Variants in DNAH1 observed in about 807,000 individuals in gnomAD.
The protein encoded by DNAH1 is axonemal beta dynein heavy chain 1.
Under a neutral mutation model 484.3 loss-of-function variants are expected in DNAH1, and 327 were observed. The ratio of observed to expected loss-of-function variants is 0.68; its 90% CI spans 0.62 to 0.74. The LOEUF (loss-of-function observed/expected upper bound fraction) is 0.74. Ranked by LOEUF, DNAH1 falls within the 30% of genes least tolerant of loss-of-function variation. DNAH1 has a pLI of 0.00. For synonymous variants in DNAH1, 2,192 were observed against 2,191.9 expected, an observed-to-expected ratio of 1.00 and a Z score of 0.00; for missense variants, 5,052 against 5,546.8, an observed-to-expected ratio of 0.91 and a Z score of 2.83.
intron 22 of DNAH1, 70 bp downstream of exon 22, chr3:52,356,848 C>T: frequency 1.3e-6 from 2 of 1,513,158 alleles, no homozygotes; most frequent in South Asian, 1.2e-5. Context: ...TGGTAGCCTC[C>T]TAGTCTCTTC....
rs1702729690 is a variant in DNAH1, at chr3:52,358,813, C to G, written c.4266+76C>G. The G allele has an allele frequency of 9.0e-6, 14 of 1,555,868 alleles. No homozygotes were observed. Among genetic ancestry groups the G allele is most frequent in the African/African-American group, 1.4e-5 (1 of 72,488 alleles). On this transcript the variant is annotated intron_variant, in intron 25 of 77. Coordinates refer to ENST00000420323, the MANE Select transcript of DNAH1 (RefSeq NM_015512.5). This position sits in a 1 kb window ranked among gnomAD's most constrained non-coding sequence, Gnocchi z 4.2. ...CCTCTCAGTGCCCCTCCTGCTCTAGCCGGCCTCGTCCTCAGGCTGCAGCCC... is the reference window on the plus strand; with the variant it reads ...CCTCTCAGTGCCCCTCCTGCTCTAGGCGGCCTCGTCCTCAGGCTGCAGCCC...
Position 52,362,308 on chromosome 3 carries a change from A to G in DNAH1, c.4981-80A>G. The G allele has an allele frequency of 8.3e-7, 1 of 1,202,662 alleles. No homozygotes were observed. Among genetic ancestry groups the G allele is most frequent in the Non-Finnish European group, 1.2e-6 (1 of 829,612 alleles). 74.5% of individuals were successfully genotyped at this position (1,202,662 alleles called of 1,614,324 possible). A position where few individuals can be genotyped will look rare whatever the true frequency, so the allele number is the denominator to read the frequency against. On this transcript the variant is annotated intron_variant, in intron 30 of 77. Coordinates refer to ENST00000420323, the MANE Select transcript of DNAH1 (RefSeq NM_015512.5). The surrounding 1 kb of genome is among the most constrained non-coding windows in gnomAD (Gnocchi z 5.1). Reference sequence around the variant, plus strand: ...CTACAGCCAGGACAGGGGCATCAACAGGGGACAAGGGGCCCACTCAGAGGA... The same window carrying G: ...CTACAGCCAGGACAGGGGCATCAACGGGGGACAAGGGGCCCACTCAGAGGA...
Position 52,381,596 on chromosome 3 carries a change from A to G in DNAH1, c.7609-44A>G. Reference sequence around the variant, plus strand: ...GTGGGGGGAATCGGGGAGACCCTACAGTAAGAGAGACCCCGCCTTCCCCAT... The same window carrying G: ...GTGGGGGGAATCGGGGAGACCCTACGGTAAGAGAGACCCCGCCTTCCCCAT... On this transcript the variant is annotated intron_variant, in intron 48 of 77. Coordinates refer to ENST00000420323, the MANE Select transcript of DNAH1 (RefSeq NM_015512.5). The surrounding 1 kb of genome is among the most constrained non-coding windows in gnomAD (Gnocchi z 4.1). 1 of 1,536,474 alleles carries G rather than the reference A, an allele frequency of 6.5e-7. No individual in the cohort carries two copies. The highest frequency in any genetic ancestry group is 1.2e-5 in the South Asian group (1 of 81,618).
chr3:52,346,593 T>C lies in DNAH1; in HGVS notation c.1778T>C (p.Met593Thr). 2 of 1,614,046 alleles carry C rather than the reference T, an allele frequency of 1.2e-6. No homozygotes were observed. Among genetic ancestry groups the C allele is most frequent in the South Asian group, 1.1e-5 (1 of 91,086 alleles). Residue 593 changes from methionine (M) to threonine (T), a missense_variant, in exon 11 of 78, where the codon ATG becomes ACG. Transcript: ENST00000420323. ...GAGACCAACTGGGAGGTGTACCTCA[T>C]GTCCAAGCTGCGCAAGCTGATGGAG... Reference protein sequence around the residue: ...LYETNWEVYLMSKLRKLMELV... With the variant: ...LYETNWEVYLTSKLRKLMELV...
At position 52,357,769 on chromosome 3, in the gene DNAH1, T is replaced by C. The variant is rs369748592; in HGVS notation, c.3980+34T>C. 3.2e-6 allele frequency: 5 copies of C among 1,572,996 alleles called. No homozygotes were observed. The Admixed American group carries it at 5.6e-5, about 18-fold the overall frequency. ...CACCTGGCCATGCCCACTCCGCCAC[T>C]GTCTGCCCACAAGGCTGAGGTGTCC... On this transcript the variant is annotated intron_variant, in intron 23 of 77. Transcript: ENST00000420323.
Position 52,396,362 on chromosome 3 carries a change from C to T in DNAH1, c.11260-6C>T, listed in dbSNP as rs1173302533. 6.4e-7 allele frequency: 1 copy of T among 1,568,684 alleles called. No homozygotes were observed. The highest frequency in any genetic ancestry group is 1.2e-5 in the South Asian group (1 of 85,114). On this transcript the variant is annotated splice_polypyrimidine_tract_variant and splice_region_variant and intron_variant, in intron 70 of 77. Coordinates refer to ENST00000420323, the MANE Select transcript of DNAH1 (RefSeq NM_015512.5). ...CTCAATGCTCACGTGGAGCCATGGC[C>T]ACCAGGTACACAGGGACTTCCGCCT...
At position 52,353,913 on chromosome 3, in the gene DNAH1, C is replaced by T. The variant is rs1264908723; in HGVS notation, c.3480+280C>T. ...CCTCAATTTAACAGATGTGTCAGGC[C>T]GGGTGCAGTGACACATGCCTGTAAA... On this transcript the variant is annotated intron_variant, in intron 20 of 77. Transcript: ENST00000420323. The surrounding 1 kb of genome is among the most constrained non-coding windows in gnomAD (Gnocchi z 5.0). 2.6e-5 allele frequency: 11 copies of T among 425,154 alleles called. No individual in the cohort carries two copies. The highest frequency in any genetic ancestry group is 1.0e-4 in the East Asian group (2 of 19,950). The allele number at this position is 425,154 out of a possible 1,614,324, so 26.3% of individuals were successfully genotyped here. A position where few individuals can be genotyped will look rare whatever the true frequency, so the allele number is the denominator to read the frequency against.
chr3:52,330,575 G>C (rs973891920), intron 6 of DNAH1, among the ~76,000 whole-genome samples: 1 of 152,268 alleles, frequency 6.6e-6, no homozygotes, highest in African/African-American at 2.4e-5. Context: ...AAATGAGTGA[G>C]GGGCAGCGGT....
intron 52 of DNAH1, 120 bp downstream of exon 52, chr3:52,384,151 C>T: frequency 8.9e-7 from 1 of 1,117,978 alleles, no homozygotes; most frequent in African/African-American, 1.6e-5. Context: ...AGCTTTTGGT[C>T]AGGCTGTGTT....
In DNAH1 at chr3:52,386,127, G is replaced by T. The variant is rs755874702; in HGVS notation, c.8626-33G>T. 3.8e-5 allele frequency: 60 copies of T among 1,591,166 alleles called. 1 individual carries two copies. The highest frequency in any genetic ancestry group is 1.9e-4 in the South Asian group (17 of 88,012). ...GACTAAGATGCAGAGAAGAGAAAAG[G>T]GGGGAGGACATCCCTATGTCTCCCA... is the stretch of plus-strand genomic sequence containing the variant. On this transcript the variant is annotated intron_variant, in intron 54 of 77. Coordinates refer to ENST00000420323, the MANE Select transcript of DNAH1 (RefSeq NM_015512.5).
In DNAH1 at chr3:52,395,668, A is replaced by G. The variant is rs114272520; in HGVS notation, c.11249A>G (p.Asn3750Ser). Reference protein sequence around the residue: ...PALERLIEHINPDKVHRDFRL... With the variant: ...PALERLIEHISPDKVHRDFRL... ...CTAGAACGCCTCATCGAGCACATCA[A>G]CCCCGACAAGGTGTGTTGCCCTGCC... Residue 3750 changes from asparagine to serine, a missense_variant, in exon 70 of 78, where the codon AAC becomes AGC. Physicochemically the swap from Asn to Ser is conservative, Grantham distance 46. This residue lies in a region of DNAH1 where 853 missense variants were observed against 899.0 expected (regional missense o/e 0.95). Coordinates refer to ENST00000420323, the MANE Select transcript of DNAH1 (RefSeq NM_015512.5). This position sits in a 1 kb window ranked among gnomAD's most constrained non-coding sequence, Gnocchi z 4.4. The G allele has an allele frequency of 7.2e-5, 116 of 1,613,266 alleles. No homozygotes were observed. In the African/African-American group the frequency reaches 1.1e-3, roughly 15 times the overall value.
At chr3:52,359,876 G>A (rs558053599) in intron 26 of DNAH1, 40 bp from the exon 27 acceptor site, 17 of 1,609,172 alleles carry the variant, frequency 1.1e-5, no homozygotes, top group East Asian at 2.2e-5. Context: ...GAGCCTCCTC[G>A]TGGTACCCTG....
chr3:52,361,170 C>A lies in DNAH1; in HGVS notation c.4692C>A (p.Tyr1564Ter). Residue 1564 changes from tyrosine (Y) to a stop codon, truncating the protein, a stop_gained, in exon 29 of 78, where the codon TAC becomes TAA. Coordinates refer to ENST00000420323, the MANE Select transcript of DNAH1 (RefSeq NM_015512.5). LOFTEE classifies it high-confidence loss of function. The surrounding 1 kb of genome is among the most constrained non-coding windows in gnomAD (Gnocchi z 5.6). ...LVITPLTDRC[Y>*]LTLTGALHLK... ...CCTCCTCTGTCTCCTGCAGGTGCTACCTGACACTGACCGGAGCTCTGCACC... is the reference window on the plus strand; with the variant it reads ...CCTCCTCTGTCTCCTGCAGGTGCTAACTGACACTGACCGGAGCTCTGCACC... 1 of 1,606,276 alleles carries A rather than the reference C, an allele frequency of 6.2e-7. No homozygotes were observed. Among genetic ancestry groups the A allele is most frequent in the South Asian group, 1.1e-5 (1 of 89,504 alleles).
intron 75 of DNAH1, 147 bp from the exon 76 acceptor site, chr3:52,398,703 T>C: frequency 1.5e-6 from 1 of 649,220 alleles, no homozygotes; most frequent in South Asian, 2.5e-5. Flanking sequence ...AGAGCTGGGA[T>C]TTGTACCCAG....
Position 52,400,462 on chromosome 3 carries a change from C to G in DNAH1, c.*16C>G. 2 of 1,613,934 alleles carry G rather than the reference C, an allele frequency of 1.2e-6. No individual in the cohort carries two copies. Among genetic ancestry groups the G allele is most frequent in the Non-Finnish European group, 1.7e-6 (2 of 1,179,806 alleles). On this transcript the variant is annotated 3_prime_UTR_variant, in exon 78 of 78. Coordinates refer to ENST00000420323, the MANE Select transcript of DNAH1 (RefSeq NM_015512.5). The stretch of plus-strand genomic sequence containing the variant: ...GGACTACTAGACTCAGACAGAAGGG[C>G]TGGGGCCATTAAAGCTGAATTTTCT...
At chr3:52,396,261 T>C in intron 70 of DNAH1, 107 bp from the exon 71 acceptor site, 3 of 1,270,002 alleles carry the variant, frequency 2.4e-6, no homozygotes, top group Non-Finnish European at 3.2e-6. Context: ...CAGTTGTCTG[T>C]GCAGCCTCGC....
At chr3:52,392,807 C>A in intron 64 of DNAH1, 23 bp from the exon 65 acceptor site, 12 of 556,278 alleles carry the variant, frequency 2.2e-5, no homozygotes, top group Non-Finnish European at 4.0e-5. Context: ...TTTGACCCCT[C>A]CCCCCACCCA....
In DNAH1 at chr3:52,371,951, C is replaced by G; in HGVS notation, c.6531C>G (p.Ala2177=). The stretch of plus-strand genomic sequence containing the variant: ...TGAGCCACCTATGATTCCAGGTTGC[C>G]TGGGTGAAGTGGATGGACTCCTCAG... ...EDEEEEYKQV[A]WVKWMDSSAP... Residue 2177 remains alanine (A), a synonymous_variant, in exon 42 of 78, where the codon GCC becomes GCG. Transcript: ENST00000420323. 1 of 1,613,426 alleles carries G rather than the reference C, an allele frequency of 6.2e-7. No homozygotes were observed. The highest frequency in any genetic ancestry group is 2.2e-5 in the East Asian group (1 of 44,870).
In DNAH1 at chr3:52,376,049, C is replaced by G. The variant is rs569761986; in HGVS notation, c.7198+56C>G. 32 of 1,598,426 alleles carry G rather than the reference C, an allele frequency of 2.0e-5. No homozygotes were observed. In the South Asian group the frequency reaches 3.4e-4, roughly 17 times the overall value. ...CTGGTTCCAGGAGGAGCCCTGGGCT[C>G]TGGTTGGGTGTGTTGAGGCTGCGAC... is the stretch of plus-strand genomic sequence containing the variant. On this transcript the variant is annotated intron_variant, in intron 46 of 77. Coordinates refer to ENST00000420323, the MANE Select transcript of DNAH1 (RefSeq NM_015512.5).
Sources: gnomAD v4.1 joint callset for allele counts (sites outside exome capture counted in the v4.1 genomes callset) on GRCh38, gnomAD v4.1.1 for gene constraint, gnomAD v4.1.1 regional missense constraint, Gnocchi (gnomAD v3.1) non-coding constraint, MANE v1.5 for transcripts, NCBI Gene and HGNC (gene_info 2026-07-23, HGNC 2026-07-21) for gene names.